The following HVCN1 variants were observed in gnomAD, a reference collection of about 807,000 sequenced individuals.
HVCN1 encodes voltage-gated hydrogen channel 1.
HVCN1 carries 14 observed loss-of-function variants against 29.2 expected under a neutral mutation model. The observed-to-expected ratio is 0.48, with a 90% confidence interval of 0.32 to 0.75. The LOEUF (loss-of-function observed/expected upper bound fraction) is 0.75. Ranked by LOEUF, HVCN1 falls within the 30% of genes least tolerant of loss-of-function variation. The pLI, the probability that HVCN1 is intolerant of heterozygous loss-of-function variation, is 0.04. For synonymous variants in HVCN1, 131 were observed against 133.2 expected, an observed-to-expected ratio of 0.98 and a Z score of 0.11; for missense variants, 263 against 341.8, an observed-to-expected ratio of 0.77 and a Z score of 1.82.
At chr12:110,671,523 C>T (rs2068576932) in intron 3 of HVCN1, among the ~76,000 whole-genome samples, 1 of 152,186 alleles carries the variant, frequency 6.6e-6, no homozygotes, top group African/African-American at 2.4e-5. Context: ...GTTTCTGGAA[C>T]TGGTGAGAAT....
intron 7 of HVCN1, among the ~76,000 whole-genome samples, 170 bp from the exon 8 acceptor site, chr12:110,649,645 A>G (rs543408894): frequency 6.6e-6 from 1 of 152,192 alleles, no homozygotes; most frequent in Non-Finnish European, 1.5e-5. Flanking sequence ...GGCTTCACTG[A>G]GCAGCAGTGA....
chr12:110,649,818 C>T (rs1341836226), intron 7 of HVCN1, among the ~76,000 whole-genome samples: 1 of 151,554 alleles, frequency 6.6e-6, no homozygotes, highest in Non-Finnish European at 1.5e-5. Flanking sequence ...CTGCTGCAGG[C>T]GGGTGCTGCG....
At chr12:110,679,635 T>C (rs1258019481) in intron 3 of HVCN1, among the ~76,000 whole-genome samples, 10 of 150,730 alleles carry the variant, frequency 6.6e-5, no homozygotes, top group South Asian at 2.1e-4. Flanking sequence ...GGGTGGATCA[T>C]GAGGTCAGGA....
At chr12:110,652,645 C>T (rs548643215) in intron 5 of HVCN1, among the ~76,000 whole-genome samples, 7 of 152,206 alleles carry the variant, frequency 4.6e-5, no homozygotes, top group Admixed American at 1.3e-4. Flanking sequence ...ATTCACAGTG[C>T]GGCACATACA....
chr12:110,698,167 A>G (rs1048662621), intron 2 of HVCN1, among the ~76,000 whole-genome samples: 3 of 151,708 alleles, frequency 2.0e-5, no homozygotes, highest in Admixed American at 2.0e-4. Context: ...TCTGCTTTGT[A>G]TTATTATTTT....
Position 110,649,399 on chromosome 12 carries a change from C to G in HVCN1, c.*11G>C. On this transcript the variant is annotated 3_prime_UTR_variant, in exon 8 of 8. Transcript: ENST00000242607. Reference sequence around the variant, plus strand: ...GACAGTGTCTTCTTTTTGAGGGGAGCTGGTCCGGGTCTAGTTCACTTCACC... The same window carrying G: ...GACAGTGTCTTCTTTTTGAGGGGAGGTGGTCCGGGTCTAGTTCACTTCACC... The G allele has an allele frequency of 6.2e-7, 1 of 1,603,384 alleles. No individual in the cohort carries two copies. Among genetic ancestry groups the G allele is most frequent in the Non-Finnish European group, 8.5e-7 (1 of 1,172,146 alleles).
chr12:110,699,852 C>T (rs1001067422), intron 2 of HVCN1, among the ~76,000 whole-genome samples: 2 of 152,156 alleles, frequency 1.3e-5, no homozygotes, highest in Admixed American at 1.3e-4. Context: ...TTAAACAAGC[C>T]AGCGCTATTT....
intron 2 of HVCN1, among the ~76,000 whole-genome samples, chr12:110,687,328 CCTT>C (rs896197932): frequency 6.6e-6 from 1 of 151,684 alleles, no homozygotes; most frequent in Non-Finnish European, 1.5e-5. Flanking sequence ...GGCGGGGTCT[CCTT>C]AAGTGGGGTG....
intron 3 of HVCN1, among the ~76,000 whole-genome samples, chr12:110,670,085 C>T (rs1295310166): frequency 2.6e-5 from 4 of 152,132 alleles, no homozygotes; most frequent in Non-Finnish European, 5.9e-5. Flanking sequence ...AGGCACTACT[C>T]CTTCAAGGTA....
intron 3 of HVCN1, among the ~76,000 whole-genome samples, chr12:110,681,853 T>A (rs2068988747): frequency 6.6e-6 from 1 of 152,032 alleles, no homozygotes; most frequent in African/African-American, 2.4e-5. Flanking sequence ...GCCCCCAATC[T>A]TCACAACCAA....
intron 3 of HVCN1, among the ~76,000 whole-genome samples, chr12:110,673,730 T>G (rs1045031042): frequency 3.9e-5 from 6 of 152,212 alleles, no homozygotes; most frequent in Non-Finnish European, 8.8e-5. Context: ...CTTTGGCAGC[T>G]TCCACGTGGT....
At chr12:110,669,557 G>T (rs927228316) in intron 3 of HVCN1, among the ~76,000 whole-genome samples, 1 of 152,078 alleles carries the variant, frequency 6.6e-6, no homozygotes, top group Non-Finnish European at 1.5e-5. Context: ...CCAGGACTCC[G>T]CATGGCCTGT....
At chr12:110,671,770 G>A (rs1407554819) in intron 3 of HVCN1, among the ~76,000 whole-genome samples, 2 of 152,232 alleles carry the variant, frequency 1.3e-5, no homozygotes, top group Admixed American at 1.3e-4. Flanking sequence ...AGCGACAGCG[G>A]CTCCTTTTGC....
chr12:110,654,901 C>T (rs574530887), intron 5 of HVCN1, among the ~76,000 whole-genome samples: 3 of 152,186 alleles, frequency 2.0e-5, no homozygotes, highest in Admixed American at 1.3e-4. Context: ...CAGCAGATCC[C>T]CTGATGGCCC....
chr12:110,674,518 C>T (rs899597583), intron 3 of HVCN1, among the ~76,000 whole-genome samples: 2 of 152,164 alleles, frequency 1.3e-5, no homozygotes, highest in African/African-American at 4.8e-5. Context: ...TGTGTCTCCA[C>T]CCAAATCTTA....
chr12:110,673,205 T>C (rs1249092387), intron 3 of HVCN1, among the ~76,000 whole-genome samples: 1 of 152,172 alleles, frequency 6.6e-6, no homozygotes, highest in African/African-American at 2.4e-5. Flanking sequence ...GAGGAACTTT[T>C]TGGCAACTGG....
intron 5 of HVCN1, among the ~76,000 whole-genome samples, chr12:110,652,340 G>A (rs112909261): frequency 1.3e-5 from 2 of 152,166 alleles, no homozygotes; most frequent in Non-Finnish European, 2.9e-5. Context: ...GCAGTGAGCC[G>A]AGATTGCACC....
intron 2 of HVCN1, among the ~76,000 whole-genome samples, chr12:110,700,799 G>A (rs1282434459): frequency 1.3e-5 from 2 of 152,212 alleles, no homozygotes; most frequent in Admixed American, 6.5e-5. Flanking sequence ...CTCAGAGAGT[G>A]TGACTGCTGT....
At chr12:110,662,619 C>T (rs140922899) in intron 3 of HVCN1, among the ~76,000 whole-genome samples, 32 of 152,272 alleles carry the variant, frequency 2.1e-4, no homozygotes, top group African/African-American at 6.7e-4. Flanking sequence ...GCCCCAGAAT[C>T]GCTTGAAGCT....
Sources: allele counts gnomAD v4.1 joint callset (sites outside exome capture counted in the v4.1 genomes callset), GRCh38; gene constraint gnomAD v4.1.1; transcripts MANE v1.5; gene names NCBI Gene and HGNC (gene_info 2026-07-23, HGNC 2026-07-21).